The following SLC16A12 variants were observed in gnomAD, a reference collection of about 807,000 sequenced individuals.
SLC16A12 encodes the protein monocarboxylate transporter 12.
Under a neutral mutation model 42.4 loss-of-function variants are expected in SLC16A12, and 17 were observed. The observed-to-expected ratio is 0.40, with a 90% CI of 0.27 to 0.60. The LOEUF is 0.60. Ranked by LOEUF, SLC16A12 falls within the 20% of genes least tolerant of loss-of-function variation. SLC16A12 has a pLI of 0.42. For synonymous variants in SLC16A12, 224 were observed against 229.4 expected, an observed-to-expected ratio of 0.98 and a Z score of 0.21; for missense variants, 544 against 623.0, an observed-to-expected ratio of 0.87 and a Z score of 1.35.
intron 3 of SLC16A12, among the ~76,000 whole-genome samples, chr10:89,459,030 A>C (rs1207919678): frequency 6.6e-6 from 1 of 152,258 alleles, no homozygotes; most frequent in African/African-American, 2.4e-5. Context: ...GTGAAAAGTA[A>C]GGAGAAAAGT....
chr10:89,517,172 C>T (rs942454081), intron 2 of SLC16A12, among the ~76,000 whole-genome samples: 1 of 152,120 alleles, frequency 6.6e-6, no homozygotes, highest in African/African-American at 2.4e-5. Context: ...CTGCAGTGAG[C>T]TATAATTGTG....
chr10:89,482,236 CA>C lies in SLC16A12; in HGVS notation c.-46-19613del, dbSNP rs368466973. On this transcript the variant is annotated intron_variant, in intron 2 of 7. Transcript: ENST00000371790. ...GGATTATCATTTCTCAAGAATACACCAAAAAAAAAAAAAAAAGAAGAAGAAA... is the reference window on the plus strand; with the variant it reads ...GGATTATCATTTCTCAAGAATACACCAAAAAAAAAAAAAAAGAAGAAGAAA... Among the ~76,000 whole-genome samples the C allele has an allele frequency of 4.5e-3, 484 of 106,466 alleles. 1 individual carries two copies. The highest frequency in any genetic ancestry group is 0.021 in the Middle Eastern group (4 of 190). The allele number at this position is 106,466 out of a possible 152,430, so 69.8% of individuals were successfully genotyped here.
In SLC16A12 at chr10:89,430,765, G is replaced by A; in HGVS notation, c.*2299C>T. The A allele has an allele frequency of 2.2e-6, 1 of 459,968 alleles. No homozygotes were observed. Among genetic ancestry groups the A allele is most frequent in the Non-Finnish European group, 4.5e-6 (1 of 224,182 alleles). The allele number at this position is 459,968 out of a possible 1,614,324, so 28.5% of individuals were successfully genotyped here. ...TTTATACAAAATCTTTAAAATTTCTGATCACTATGCTTATTTTTCATAAAT... is the reference window on the plus strand; with the variant it reads ...TTTATACAAAATCTTTAAAATTTCTAATCACTATGCTTATTTTTCATAAAT... On this transcript the variant is annotated 3_prime_UTR_variant, in exon 8 of 8. Transcript: ENST00000371790.
intron 2 of SLC16A12, among the ~76,000 whole-genome samples, chr10:89,469,246 G>A (rs930194988): frequency 3.3e-5 from 5 of 152,046 alleles, no homozygotes; most frequent in Non-Finnish European, 4.4e-5. Flanking sequence ...TTCTAGCTTC[G>A]GAAAAATTTT....
chr10:89,482,855 G>A (rs980240826), intron 2 of SLC16A12, among the ~76,000 whole-genome samples: 13 of 151,956 alleles, frequency 8.6e-5, no homozygotes, highest in African/African-American at 2.7e-4. Flanking sequence ...TTAGCAGAGT[G>A]AAATCATGTT....
chr10:89,519,554 A>T (rs1168385921), intron 2 of SLC16A12, among the ~76,000 whole-genome samples: 1 of 152,156 alleles, frequency 6.6e-6, no homozygotes, highest in Non-Finnish European at 1.5e-5. Flanking sequence ...ATGTGCACAC[A>T]GGATCAGGAA....
At chr10:89,479,104 T>C (rs149964119) in intron 2 of SLC16A12, among the ~76,000 whole-genome samples, 40 of 152,314 alleles carry the variant, frequency 2.6e-4, no homozygotes, top group African/African-American at 9.1e-4. Context: ...CAGTGCCTCA[T>C]TCCTTATCTG....
chr10:89,525,794 G>T lies in SLC16A12; in HGVS notation c.-47+8707C>A, dbSNP rs536254023. ...TTAGCTACAGACCCATGTGGAGTGG[G>T]GATTTGACCTAAACGTCCATGGGAT... On this transcript the variant is annotated intron_variant, in intron 2 of 7. Coordinates refer to ENST00000371790, the MANE Select transcript of SLC16A12 (RefSeq NM_213606.4). Among the ~76,000 whole-genome samples, 9 of 152,228 alleles carry T rather than the reference G, an allele frequency of 5.9e-5. No homozygotes were observed. In the East Asian group the frequency reaches 1.3e-3, roughly 23 times the overall value.
At chr10:89,488,884 G>C (rs1333044253) in intron 2 of SLC16A12, among the ~76,000 whole-genome samples, 2 of 152,168 alleles carry the variant, frequency 1.3e-5, no homozygotes, top group African/African-American at 4.8e-5. Context: ...TGTATGACAA[G>C]AGTCAAAAAG....
At chr10:89,495,207 A>C (rs2133812868) in intron 2 of SLC16A12, among the ~76,000 whole-genome samples, 1 of 152,082 alleles carries the variant, frequency 6.6e-6, no homozygotes, top group South Asian at 2.1e-4. Context: ...TACAAAAATT[A>C]CCTGGTAGTG....
chr10:89,441,220 T>G lies in SLC16A12; in HGVS notation c.336A>C (p.Leu112Phe). ...CCAGCATGATTCCCACTTGACAGGA[T>G]AAATGGTTACTGACAACACTCCCAA... is the stretch of plus-strand genomic sequence containing the variant. ...APLGSVVSNH[L>F]SCQVGIMLGG... is the part of the protein sequence containing the mutation. Residue 112 changes from leucine (L) to phenylalanine (F), a missense_variant, in exon 5 of 8, where the codon TTA becomes TTC. Physicochemically the swap from Leu to Phe is conservative, Grantham distance 22. Coordinates refer to ENST00000371790, the MANE Select transcript of SLC16A12 (RefSeq NM_213606.4). The G allele has an allele frequency of 1.2e-6, 2 of 1,613,950 alleles. No individual in the cohort carries two copies. Among genetic ancestry groups the G allele is most frequent in the East Asian group, 2.2e-5 (1 of 44,878 alleles).
intron 2 of SLC16A12, among the ~76,000 whole-genome samples, chr10:89,482,153 T>G (rs1842674157): frequency 6.7e-6 from 1 of 149,476 alleles, no homozygotes; most frequent in Admixed American, 6.7e-5. Flanking sequence ...ATTTGTGTCT[T>G]AAATCCATAC....
chr10:89,436,445 T>G lies in SLC16A12; in HGVS notation c.1029-126A>C, dbSNP rs2297312. ...GAGATGGCTTTCCCATTGTGTGTTATGTATGCTGTCTTCCTATCTTTCTTT... is the reference window on the plus strand; with the variant it reads ...GAGATGGCTTTCCCATTGTGTGTTAGGTATGCTGTCTTCCTATCTTTCTTT... On this transcript the variant is annotated intron_variant, in intron 6 of 7. Transcript: ENST00000371790. 293 of 1,129,598 alleles carry G rather than the reference T, an allele frequency of 2.6e-4. 1 individual carries two copies. The highest frequency in any genetic ancestry group is 3.6e-4 in the Non-Finnish European group (277 of 760,900). The allele number at this position is 1,129,598 out of a possible 1,614,324, so 70.0% of individuals were successfully genotyped here. A position where few individuals can be genotyped will look rare whatever the true frequency, so the allele number is the denominator to read the frequency against.
chr10:89,457,430 A>T (rs1029334821), intron 3 of SLC16A12, among the ~76,000 whole-genome samples: 2 of 152,238 alleles, frequency 1.3e-5, no homozygotes, highest in Non-Finnish European at 2.9e-5. Flanking sequence ...CCAATGAGAT[A>T]CAATCTCACA....
intron 3 of SLC16A12, among the ~76,000 whole-genome samples, chr10:89,446,255 A>G (rs541174358): frequency 2.2e-4 from 33 of 152,290 alleles, no homozygotes; most frequent in African/African-American, 7.5e-4. Context: ...AAATACAGAG[A>G]ACAACACAAA....
In SLC16A12 at chr10:89,469,306, T is replaced by A. The variant is rs1333278362; in HGVS notation, c.-46-6682A>T. Among the ~76,000 whole-genome samples, 4 of 152,360 alleles carry A rather than the reference T, an allele frequency of 2.6e-5. No individual in the cohort carries two copies. In the South Asian group the frequency reaches 6.2e-4, roughly 24 times the overall value. On this transcript the variant is annotated intron_variant, in intron 2 of 7. Coordinates refer to ENST00000371790, the MANE Select transcript of SLC16A12 (RefSeq NM_213606.4). ...ATGATGTTCTTCTAAGATTACTGTT[T>A]ACAGTGCAAGTTGGGATATATTCTC...
chr10:89,506,179 C>A (rs914328426), intron 2 of SLC16A12, among the ~76,000 whole-genome samples: 3 of 152,234 alleles, frequency 2.0e-5, no homozygotes, highest in African/African-American at 7.2e-5. Context: ...TGCCTGACAG[C>A]TCTGAAGAGA....
intron 2 of SLC16A12, among the ~76,000 whole-genome samples, chr10:89,480,555 A>G (rs1842647214): frequency 6.6e-6 from 1 of 152,226 alleles, no homozygotes; most frequent in African/African-American, 2.4e-5. Context: ...ACTGTTCACT[A>G]CAGTAGCTAT....
intron 2 of SLC16A12, among the ~76,000 whole-genome samples, chr10:89,516,568 G>C (rs959133558): frequency 6.6e-6 from 1 of 152,048 alleles, no homozygotes; most frequent in East Asian, 1.9e-4. Flanking sequence ...TTGGTATTAG[G>C]GCAAATTGGC....
Sources: allele counts gnomAD v4.1 joint callset (sites outside exome capture counted in the v4.1 genomes callset), GRCh38; gene constraint gnomAD v4.1.1; transcripts MANE v1.5; gene names NCBI Gene and HGNC (gene_info 2026-07-23, HGNC 2026-07-21).